Variants in CAMTA1 observed in about 807,000 individuals in gnomAD.
The protein encoded by CAMTA1 is calmodulin binding transcription activator 1, also known as calmodulin-binding transcription activator 1.
CAMTA1 carries 27 observed loss-of-function variants against 170.9 expected under a neutral mutation model. The ratio of observed to expected loss-of-function variants is 0.16; its 90% CI spans 0.12 to 0.22. The LOEUF is 0.22. Among genes scored for constraint, CAMTA1 ranks in the 10% least tolerant of loss-of-function variants. The pLI is 1.00. For synonymous variants in CAMTA1, 833 were observed against 891.5 expected (o/e 0.93, Z 1.17); for missense variants, 1,619 against 2,217.2 (o/e 0.73, Z 5.42).
chr1:7,137,977 T>C (rs890966735), intron 4 of CAMTA1, among the ~76,000 whole-genome samples: 4 of 152,086 alleles, frequency 2.6e-5, no homozygotes, highest in Non-Finnish European at 4.4e-5. Context: ...ACTCAGTACA[T>C]TTTATTTTAT....
chr1:7,268,803 C>T (rs1669287029), intron 5 of CAMTA1, among the ~76,000 whole-genome samples: 1 of 152,080 alleles, frequency 6.6e-6, no homozygotes, highest in South Asian at 2.1e-4. Context: ...TGACCTATAT[C>T]CAGGAGAGAA....
rs577589337 is a variant in CAMTA1, at chr1:6,858,605, T to G, written c.234+33395T>G. Among the ~76,000 whole-genome samples, 5 of 152,250 alleles carry G rather than the reference T, an allele frequency of 3.3e-5. No homozygotes were observed. In the South Asian group the frequency reaches 1.0e-3, roughly 32 times the overall value. ...TCTTGCAGCTACTCTTTTGATCAGT[T>G]AATTGGTCTGATCCTATAGTGGGTA... On this transcript the variant is annotated intron_variant, in intron 3 of 22. Transcript: ENST00000303635.
intron 6 of CAMTA1, among the ~76,000 whole-genome samples, chr1:7,488,596 A>G (rs375601754): frequency 6.6e-6 from 1 of 152,202 alleles, no homozygotes; most frequent in African/African-American, 2.4e-5. Flanking sequence ...GTACACATAC[A>G]TGCATGATAC....
chr1:7,626,513 G>T (rs1235199762), intron 6 of CAMTA1, among the ~76,000 whole-genome samples: 1 of 152,220 alleles, frequency 6.6e-6, no homozygotes. Context: ...GAAGAAGTTT[G>T]CTGGCCGGGA....
In CAMTA1 at chr1:7,732,544, G is replaced by A; in HGVS notation, c.3011G>A (p.Gly1004Glu). Residue 1004 changes from glycine to glutamate, a missense_variant, in exon 12 of 23, where the codon GGA (glycine) becomes GAA (glutamate). Transcript: ENST00000303635. The surrounding 1 kb of genome is among the most constrained non-coding windows in gnomAD (Gnocchi z 4.1). Reference sequence around the variant, plus strand: ...TCCCAGCAGCACAAACAGGCGAGCGGAGGCGGCAGCAGTGGAGGCGGCAGC... The same window carrying A: ...TCCCAGCAGCACAAACAGGCGAGCGAAGGCGGCAGCAGTGGAGGCGGCAGC... ...TGSQQHKQAS[G>E]GGSSGGGSGS... is the part of the protein sequence containing the mutation. 6.2e-7 allele frequency: 1 copy of A among 1,613,526 alleles called. No individual in the cohort carries two copies. Among genetic ancestry groups the A allele is most frequent in the Non-Finnish European group, 8.5e-7 (1 of 1,179,942 alleles).
intron 3 of CAMTA1, among the ~76,000 whole-genome samples, chr1:6,861,569 T>A (rs914402526): frequency 6.6e-6 from 1 of 152,192 alleles, no homozygotes; most frequent in Admixed American, 6.5e-5. Context: ...ACAAGGCACG[T>A]GTAACCCATT....
In CAMTA1 at chr1:7,670,182, A is replaced by G. The variant is rs574188379; in HGVS notation, c.2653-729A>G. 6.8e-4 allele frequency among the ~76,000 whole-genome samples: 104 copies of G among 152,316 alleles called. 1 individual carries two copies. The Middle Eastern group carries it at 0.024, about 35-fold the overall frequency. On this transcript the variant is annotated intron_variant, in intron 9 of 22. Transcript: ENST00000303635. ...GGGACCCCAGGCTAGCTGTGTAGGC[A>G]GTGACACAGACTCAAGGACCTTTGA...
chr1:7,347,823 G>T (rs983884612), intron 5 of CAMTA1, among the ~76,000 whole-genome samples: 1 of 152,136 alleles, frequency 6.6e-6, no homozygotes, highest in East Asian at 1.9e-4. Context: ...GCCCTTTTCC[G>T]CCTCTCCTAA....
chr1:7,605,835 A>G (rs943257188), intron 6 of CAMTA1, among the ~76,000 whole-genome samples: 1 of 152,132 alleles, frequency 6.6e-6, no homozygotes, highest in South Asian at 2.1e-4. Context: ...CCACCCCCCA[A>G]TTTAAATATT....
chr1:7,574,519 C>T (rs1056234107), intron 6 of CAMTA1, among the ~76,000 whole-genome samples: 2 of 152,186 alleles, frequency 1.3e-5, no homozygotes, highest in Non-Finnish European at 2.9e-5. Context: ...GTCATTTTGC[C>T]AGTGAAGCTC....
At chr1:7,221,822 C>G (rs541899884) in intron 4 of CAMTA1, among the ~76,000 whole-genome samples, 64 of 152,190 alleles carry the variant, frequency 4.2e-4, no homozygotes, top group African/African-American at 1.4e-3. Flanking sequence ...AAAGTTTTAT[C>G]CCATGGTCAG....
At chr1:7,583,922 C>A (rs758315963) in intron 6 of CAMTA1, among the ~76,000 whole-genome samples, 3 of 152,114 alleles carry the variant, frequency 2.0e-5, no homozygotes, top group Admixed American at 6.5e-5. Context: ...GATCTGGGCT[C>A]TGGGAAGCTC....
chr1:6,839,572 C>A (rs992712539), intron 3 of CAMTA1, among the ~76,000 whole-genome samples: 2 of 152,028 alleles, frequency 1.3e-5, no homozygotes, highest in South Asian at 4.1e-4. Flanking sequence ...CAAAAGTAAA[C>A]AAGTAGGTGA....
chr1:6,877,056 GCCT>G (rs1426978590), intron 3 of CAMTA1, among the ~76,000 whole-genome samples: 1 of 152,198 alleles, frequency 6.6e-6, no homozygotes, highest in Non-Finnish European at 1.5e-5. Flanking sequence ...GCCAGGACTT[GCCT>G]CCTCCTCCTC....
At chr1:6,884,036 G>T (rs75579162) in intron 3 of CAMTA1, among the ~76,000 whole-genome samples, 10,283 of 152,134 alleles carry the variant, frequency 0.068, 482 homozygotes, top group Non-Finnish European at 0.1. Context: ...CTCAGTGGCT[G>T]CCTTACTGGA....
intron 3 of CAMTA1, among the ~76,000 whole-genome samples, chr1:7,051,663 CTGCCAGGACAGACTCATCCCTGTT>C (rs574294442): frequency 2.0e-4 from 29 of 147,318 alleles, no homozygotes; most frequent in African/African-American, 2.4e-4. Context: ...GGAAACATCC[CTGCCAGGACAGACTCATCCCTGTT>C]TGCCAGGACA....
intron 4 of CAMTA1, among the ~76,000 whole-genome samples, chr1:7,099,044 C>T (rs1362372015): frequency 6.6e-6 from 1 of 152,060 alleles, no homozygotes; most frequent in African/African-American, 2.4e-5. Context: ...CACCCCGCCA[C>T]CCCCATGCTT....
At chr1:7,533,467 A>G (rs2094514426) in intron 6 of CAMTA1, among the ~76,000 whole-genome samples, 1 of 152,336 alleles carries the variant, frequency 6.6e-6, no homozygotes, top group East Asian at 1.9e-4. Flanking sequence ...GCCAAGAGGG[A>G]CCAAGGGCTA....
intron 5 of CAMTA1, among the ~76,000 whole-genome samples, chr1:7,433,341 C>A (rs886950575): frequency 6.6e-6 from 1 of 152,232 alleles, no homozygotes; most frequent in Non-Finnish European, 1.5e-5. Flanking sequence ...TGACTCCCTC[C>A]TTTCCATTCC....
Sources: gnomAD v4.1 joint callset for allele counts (sites outside exome capture counted in the v4.1 genomes callset) on GRCh38, gnomAD v4.1.1 for gene constraint, Gnocchi (gnomAD v3.1) non-coding constraint, MANE v1.5 for transcripts, NCBI Gene and HGNC (gene_info 2026-07-23, HGNC 2026-07-21) for gene names.